Variants in GCH1 observed in about 807,000 individuals in gnomAD.
GCH1 encodes GTP cyclohydrolase 1.
GCH1 carries 5 observed loss-of-function variants against 25.9 expected under a neutral mutation model. The observed-to-expected ratio is 0.19, with a 90% confidence interval of 0.10 to 0.41. GCH1 has a LOEUF of 0.41. Among genes scored for constraint, GCH1 ranks in the 10% least tolerant of loss-of-function variants. The probability of loss-of-function intolerance (pLI) is 1.00; values close to 1 mark genes in which losing one functional copy is unlikely to be tolerated. For missense variants in GCH1, 261 were observed against 336.5 expected (o/e 0.78, Z 1.75); for synonymous variants, 159 against 129.6 (o/e 1.23, Z -1.54).
chr14:54,877,282 C>T (rs1257164720), intron 1 of GCH1, among the ~76,000 whole-genome samples: 2 of 152,212 alleles, frequency 1.3e-5, no homozygotes, highest in Non-Finnish European at 2.9e-5. Flanking sequence ...CGGTTGGTCA[C>T]AACCACAAAC....
At chr14:54,854,588 A>T (rs958415713) in intron 3 of GCH1, among the ~76,000 whole-genome samples, 4 of 152,248 alleles carry the variant, frequency 2.6e-5, no homozygotes, top group Admixed American at 2.6e-4. Context: ...AATACTATAA[A>T]GCAAAATCAA....
At chr14:54,874,840 G>A (rs1193690391) in intron 1 of GCH1, among the ~76,000 whole-genome samples, 1 of 152,188 alleles carries the variant, frequency 6.6e-6, no homozygotes. Flanking sequence ...TAAAATAAAA[G>A]AGGATACAAA....
chr14:54,844,985 G>A (rs1566659159), intron 5 of GCH1, among the ~76,000 whole-genome samples: 1 of 152,242 alleles, frequency 6.6e-6, no homozygotes, highest in East Asian at 1.9e-4. Flanking sequence ...CCCCAGCCTG[G>A]CCAACATGGT....
chr14:54,902,253 C>T, intron 1 of GCH1, 68 bp downstream of exon 1: 3 of 1,530,208 alleles, frequency 2.0e-6, no homozygotes, highest in Non-Finnish European at 2.7e-6. Flanking sequence ...TTCCTGGAGC[C>T]GGCGCGCGTT....
In GCH1 at chr14:54,846,793, G is replaced by T. The variant is rs147861667; in HGVS notation, c.541+306C>A. On this transcript the variant is annotated intron_variant, in intron 4 of 5. Transcript: ENST00000491895. ...ATGTTTTCTGTAGCCAGGCACAGTGGCTCATGCCTGTAATCCCAGCACTTT... is the reference window on the plus strand; with the variant it reads ...ATGTTTTCTGTAGCCAGGCACAGTGTCTCATGCCTGTAATCCCAGCACTTT... Among the ~76,000 whole-genome samples, 741 of 152,320 alleles carry T rather than the reference G, an allele frequency of 4.9e-3. 5 individuals carry two copies. Among genetic ancestry groups the T allele is most frequent in the Non-Finnish European group, 7.4e-3 (500 of 68,022 alleles).
intron 1 of GCH1, among the ~76,000 whole-genome samples, chr14:54,892,480 G>C (rs2040435868): frequency 6.6e-6 from 1 of 152,202 alleles, no homozygotes; most frequent in African/African-American, 2.4e-5. Flanking sequence ...TCTGAGGTCA[G>C]GAGTTCAAGA....
At chr14:54,852,376 A>G (rs1391358286) in intron 3 of GCH1, among the ~76,000 whole-genome samples, 2 of 152,222 alleles carry the variant, frequency 1.3e-5, no homozygotes, top group African/African-American at 4.8e-5. Context: ...CAAGGTCTCA[A>G]GTGGCTGGAG....
chr14:54,894,856 G>A (rs2040465128), intron 1 of GCH1, among the ~76,000 whole-genome samples: 1 of 152,054 alleles, frequency 6.6e-6, no homozygotes, highest in African/African-American at 2.4e-5. Context: ...ATTATTAATG[G>A]ATCAAAATTT....
At chr14:54,863,728 G>A (rs766171082) in intron 2 of GCH1, among the ~76,000 whole-genome samples, 2 of 152,196 alleles carry the variant, frequency 1.3e-5, no homozygotes, top group South Asian at 2.1e-4. Context: ...ACAAGAAAAC[G>A]AATCCATAGG....
At chr14:54,882,510 T>G (rs923370362) in intron 1 of GCH1, among the ~76,000 whole-genome samples, 1 of 152,190 alleles carries the variant, frequency 6.6e-6, no homozygotes, top group Non-Finnish European at 1.5e-5. Context: ...ATCAAAACAG[T>G]GTATTCAAGG....
intron 2 of GCH1, among the ~76,000 whole-genome samples, chr14:54,864,328 C>A (rs771460904): frequency 1.3e-5 from 2 of 152,166 alleles, no homozygotes; most frequent in African/African-American, 4.8e-5. Flanking sequence ...TATAAGTATT[C>A]ATAACACTGC....
chr14:54,900,476 T>C (rs1327332950), intron 1 of GCH1, among the ~76,000 whole-genome samples: 1 of 152,106 alleles, frequency 6.6e-6, no homozygotes, highest in Non-Finnish European at 1.5e-5. Flanking sequence ...CCTCCCAAAG[T>C]GCTGGGATTA....
intron 1 of GCH1, among the ~76,000 whole-genome samples, chr14:54,896,870 GA>G (rs1008722465): frequency 9.7e-5 from 14 of 144,362 alleles, no homozygotes; most frequent in African/African-American, 3.2e-4. Context: ...AGTGAGCCCA[GA>G]TCGCGCCACT....
chr14:54,859,709 G>C lies in GCH1; in HGVS notation c.481C>G (p.Gln161Glu), dbSNP rs1242519962. The change falls in exon 3 of 6, where the codon CAA (glutamine) becomes GAA (glutamate). Residue 161 changes from glutamine to glutamate, a missense_variant. By Grantham distance (29) the Gln-to-Glu change is conservative (BLOSUM62 2). This residue lies in a region of GCH1 where 130 missense variants were observed against 184.1 expected (regional missense o/e 0.71). Coordinates refer to ENST00000491895, the MANE Select transcript of GCH1 (RefSeq NM_000161.3). ...GCAAGTTTGCTGAGGCCAAGGACTT[G>C]CTTGTTAGGAAGATAACCAATATGG... ...KVHIGYLPNK[Q>E]VLGLSKLARI... The C allele has an allele frequency of 6.2e-7, 1 of 1,601,536 alleles. No individual in the cohort carries two copies. The highest frequency in any genetic ancestry group is 8.6e-7 in the Non-Finnish European group (1 of 1,168,648).
At position 54,902,604 on chromosome 14, in the gene GCH1, A is replaced by G. The variant is rs1255998968; in HGVS notation, c.60T>C (p.Asn20=). The G allele has an allele frequency of 1.3e-6, 2 of 1,493,980 alleles. No individual in the cohort carries two copies. The highest frequency in any genetic ancestry group is 1.3e-5 in the South Asian group (1 of 77,874). The allele number at this position is 1,493,980 out of a possible 1,614,324, so 92.5% of individuals were successfully genotyped here. A position where few individuals can be genotyped will look rare whatever the true frequency, so the allele number is the denominator to read the frequency against. ...GCGGCGGATCCCGCTCGGGGAACCCATTGCTGCACCTGGCGCCCCGCGGCT... is the reference window on the plus strand; with the variant it reads ...GCGGCGGATCCCGCTCGGGGAACCCGTTGCTGCACCTGGCGCCCCGCGGCT... ...AEKPRGARCS[N]GFPERDPPRP... Residue 20 remains asparagine (N), a synonymous_variant, in exon 1 of 6, where the codon AAT becomes AAC. Coordinates refer to ENST00000491895, the MANE Select transcript of GCH1 (RefSeq NM_000161.3).
At chr14:54,853,647 C>T (rs2039767667) in intron 3 of GCH1, among the ~76,000 whole-genome samples, 1 of 152,208 alleles carries the variant, frequency 6.6e-6, no homozygotes, top group African/African-American at 2.4e-5. Context: ...TTGGACTAAA[C>T]ATCCCTGGGT....
chr14:54,846,418 G>A (rs1034491578), intron 4 of GCH1, among the ~76,000 whole-genome samples: 4 of 152,154 alleles, frequency 2.6e-5, no homozygotes, highest in Admixed American at 1.3e-4. Flanking sequence ...TATAGGTTAC[G>A]CCAAGCCATG....
Position 54,902,691 on chromosome 14 carries a change from G to T in GCH1, c.-28C>A, listed in dbSNP as rs1440575856. 2.0e-5 allele frequency: 28 copies of T among 1,432,880 alleles called. No homozygotes were observed. Among genetic ancestry groups the T allele is most frequent in the Non-Finnish European group, 2.5e-5 (27 of 1,099,524 alleles). 88.8% of individuals were successfully genotyped at this position (1,432,880 alleles called of 1,614,324 possible). ...ACCCGCCGCAGCCGCTGCCGTTCGG[G>T]AAGGACCCCGGGGCGCTTCGAGGTC... On this transcript the variant is annotated 5_prime_UTR_variant, in exon 1 of 6. Coordinates refer to ENST00000491895, the MANE Select transcript of GCH1 (RefSeq NM_000161.3).
chr14:54,876,454 G>A (rs1231175444), intron 1 of GCH1, among the ~76,000 whole-genome samples: 1 of 151,796 alleles, frequency 6.6e-6, no homozygotes, highest in Non-Finnish European at 1.5e-5. Context: ...TAACAAACCT[G>A]CACATTGTGC....
Sources: gnomAD v4.1 joint callset for allele counts (sites outside exome capture counted in the v4.1 genomes callset) on GRCh38, gnomAD v4.1.1 for gene constraint, gnomAD v4.1.1 regional missense constraint, MANE v1.5 for transcripts, NCBI Gene and HGNC (gene_info 2026-07-23, HGNC 2026-07-21) for gene names.